GLYATL2: variants seen among roughly 807,000 people sequenced by gnomAD.
GLYATL2 encodes glycine N-acyltransferase-like protein 2.
GLYATL2 carries 25 observed loss-of-function variants against 21.4 expected under a neutral mutation model. That is an observed-to-expected ratio of 1.17 (90% CI 0.85 to 1.63). GLYATL2 has a LOEUF of 1.63. Among genes scored for constraint, GLYATL2 ranks in the 40% most tolerant of loss-of-function variants. GLYATL2 has a pLI of 0.00. For missense variants in GLYATL2, 361 were observed against 343.3 expected, an observed-to-expected ratio of 1.05 and a Z score of -0.41; for synonymous variants, 114 against 118.2, an observed-to-expected ratio of 0.96 and a Z score of 0.23.
chr11:58,875,995 A>G (rs1854223947), intron 1 of GLYATL2, among the ~76,000 whole-genome samples: 1 of 151,988 alleles, frequency 6.6e-6, no homozygotes, highest in African/African-American at 2.4e-5. Flanking sequence ...ATTTCTTTTT[A>G]TTCTTTTTTC....
chr11:58,839,084 A>T (rs78267683), intron 2 of GLYATL2, among the ~76,000 whole-genome samples: 2 of 152,204 alleles, frequency 1.3e-5, no homozygotes, highest in Non-Finnish European at 1.5e-5. Flanking sequence ...GGTATATGGC[A>T]GGAGAATGTT....
At chr11:58,859,843 A>T (rs1368807377) in intron 1 of GLYATL2, among the ~76,000 whole-genome samples, 1 of 152,092 alleles carries the variant, frequency 6.6e-6, no homozygotes, top group Non-Finnish European at 1.5e-5. Flanking sequence ...GTGGATATGC[A>T]GTTTTTTCAA....
chr11:58,841,900 GA>G (rs1853560341), intron 1 of GLYATL2, among the ~76,000 whole-genome samples: 1 of 152,176 alleles, frequency 6.6e-6, no homozygotes, highest in South Asian at 2.1e-4. Context: ...AAGAGATGTG[GA>G]ATGAAACGTG....
At position 58,834,448 on chromosome 11, in the gene GLYATL2, G is replaced by T. The variant is rs541733921; in HGVS notation, c.866C>A (p.Thr289Asn). 1.8e-5 allele frequency: 29 copies of T among 1,594,224 alleles called. No individual in the cohort carries two copies. In the African/African-American group the frequency reaches 2.6e-4, roughly 14 times the overall value. Reference protein sequence around the residue: ...CPCGWHQWKCTPKKYC With the variant: ...CPCGWHQWKCNPKKYC ...AATCAATCAACAATATTTCTTGGGG[G>T]TGCATTTCCACTGATGCCAGCCACA... is the stretch of plus-strand genomic sequence containing the variant. The change falls in exon 6 of 6, where the codon ACC becomes AAC. Residue 289 changes from threonine (T) to asparagine (N), a missense_variant. Coordinates refer to ENST00000287275, the MANE Select transcript of GLYATL2 (RefSeq NM_145016.4).
At chr11:58,876,274 C>A (rs573649605) in intron 1 of GLYATL2, among the ~76,000 whole-genome samples, 6 of 152,306 alleles carry the variant, frequency 3.9e-5, no homozygotes, top group Non-Finnish European at 7.4e-5. Flanking sequence ...TCTTCTGAAG[C>A]CTTCCTCTCT....
At chr11:58,868,340 C>T (rs1197090621) in intron 1 of GLYATL2, among the ~76,000 whole-genome samples, 1 of 148,760 alleles carries the variant, frequency 6.7e-6, no homozygotes, top group Non-Finnish European at 1.5e-5. Context: ...AATCGAAACT[C>T]ACCAGATGAT....
chr11:58,900,625 G>A (rs1417365978), intron 1 of GLYATL2, among the ~76,000 whole-genome samples: 1 of 152,150 alleles, frequency 6.6e-6, no homozygotes, highest in Non-Finnish European at 1.5e-5. Context: ...AGACAGGTGA[G>A]GCAGCCTTAG....
chr11:58,881,814 A>G (rs1359674478), intron 1 of GLYATL2, among the ~76,000 whole-genome samples: 1 of 151,822 alleles, frequency 6.6e-6, no homozygotes, highest in Non-Finnish European at 1.5e-5. Context: ...TTCAATTCCC[A>G]CCTATGAGTG....
chr11:58,899,178 C>A (rs4939240), intron 1 of GLYATL2, among the ~76,000 whole-genome samples: 139,310 of 152,130 alleles, frequency 0.92, 64,988 homozygotes, highest in Non-Finnish European at 1. Context: ...TAACAACCAA[C>A]ATCACAGGAT....
At chr11:58,842,133 T>C (rs1417376819) in intron 1 of GLYATL2, among the ~76,000 whole-genome samples, 2 of 152,210 alleles carry the variant, frequency 1.3e-5, no homozygotes, top group Non-Finnish European at 2.9e-5. Flanking sequence ...ATTGACCTTA[T>C]ATACAAAATG....
intron 1 of GLYATL2, among the ~76,000 whole-genome samples, chr11:58,860,637 A>G (rs554051730): frequency 6.6e-6 from 1 of 152,170 alleles, no homozygotes; most frequent in East Asian, 1.9e-4. Context: ...CCATTAATGC[A>G]TTGAATAGAA....
chr11:58,872,893 G>T (rs927605164), intron 1 of GLYATL2, among the ~76,000 whole-genome samples: 3 of 152,162 alleles, frequency 2.0e-5, no homozygotes, highest in African/African-American at 7.2e-5. Flanking sequence ...CCATTTTCAC[G>T]ATATTGATTG....
At chr11:58,858,354 CTGA>C (rs1853869126) in intron 1 of GLYATL2, among the ~76,000 whole-genome samples, 1 of 152,128 alleles carries the variant, frequency 6.6e-6, no homozygotes, top group African/African-American at 2.4e-5. Flanking sequence ...TCACTCCCAA[CTGA>C]TGATAAGTTA....
upstream of GLYATL2, among the ~76,000 whole-genome samples, chr11:58,849,127 C>T (rs1853694147): frequency 6.6e-6 from 1 of 151,976 alleles, no homozygotes; most frequent in Admixed American, 6.6e-5. Flanking sequence ...GAATACTTTC[C>T]CAGACAAGAG....
chr11:58,839,619 T>C lies in GLYATL2; in HGVS notation c.-7A>G, dbSNP rs754474496. 1 of 1,603,558 alleles carries C rather than the reference T, an allele frequency of 6.2e-7. No homozygotes were observed. ...AGTTATGAAGCACAAGCATCTTATG[T>C]AGCACTTCAGCTTCTTTCCCTCAAG... On this transcript the variant is annotated 5_prime_UTR_variant, in exon 2 of 6. Coordinates refer to ENST00000287275, the MANE Select transcript of GLYATL2 (RefSeq NM_145016.4).
At chr11:58,896,745 T>TTTTGC (rs1281770709) in intron 1 of GLYATL2, among the ~76,000 whole-genome samples, 1 of 152,126 alleles carries the variant, frequency 6.6e-6, no homozygotes, top group Non-Finnish European at 1.5e-5. Flanking sequence ...TTTTGTTTTG[T>TTTTGC]TTTTATTTTA....
chr11:58,901,411 C>T (rs747144608), intron 1 of GLYATL2, among the ~76,000 whole-genome samples: 1 of 152,152 alleles, frequency 6.6e-6, no homozygotes, highest in Non-Finnish European at 1.5e-5. Flanking sequence ...TACTGGGCCT[C>T]ACCCCAGACC....
chr11:58,886,282 A>G (rs765017411), intron 1 of GLYATL2, among the ~76,000 whole-genome samples: 1 of 152,220 alleles, frequency 6.6e-6, no homozygotes, highest in African/African-American at 2.4e-5. Context: ...CTGTGTGTCA[A>G]CTATATGGAA....
At chr11:58,844,998 G>C (rs1173346132), upstream of GLYATL2, among the ~76,000 whole-genome samples, 1 of 152,132 alleles carries the variant, frequency 6.6e-6, no homozygotes, top group East Asian at 1.9e-4. Context: ...GTCTAAAGTG[G>C]AGCAACAGGG....
Sources: allele counts gnomAD v4.1 joint callset (sites outside exome capture counted in the v4.1 genomes callset), GRCh38; gene constraint gnomAD v4.1.1; transcripts MANE v1.5; gene names NCBI Gene and HGNC (gene_info 2026-07-23, HGNC 2026-07-21).